Variants in HMCN1 observed in about 807,000 individuals in gnomAD.
HMCN1 encodes hemicentin 1.
In HMCN1, 321 loss-of-function variants were observed where a neutral mutation model predicts 625.9. The ratio of observed to expected loss-of-function variants is 0.51; its 90% CI spans 0.47 to 0.56. HMCN1 has a LOEUF of 0.56. Among genes scored for constraint, HMCN1 ranks in the 20% least tolerant of loss-of-function variants. The pLI is 0.00. For synonymous variants in HMCN1, 2,425 were observed against 2,417.6 expected (o/e 1.00, Z -0.09); for missense variants, 6,588 against 6,887.3 (o/e 0.96, Z 1.54).
intron 30 of HMCN1, among the ~76,000 whole-genome samples, chr1:186,013,241 T>C (rs1345134281): frequency 2.0e-5 from 3 of 152,200 alleles, no homozygotes; most frequent in African/African-American, 7.2e-5. Context: ...ACACTAAAGT[T>C]TGAGTTTCAT....
In HMCN1 at chr1:186,076,623, G is replaced by A. The variant is rs1291540515; in HGVS notation, c.8485+1G>A. On this transcript the variant is annotated splice_donor_variant, in intron 54 of 106. Coordinates refer to ENST00000271588, the MANE Select transcript of HMCN1 (RefSeq NM_031935.3). LOFTEE classifies it high-confidence loss of function. ...AGTGATAAAGTATTGATTTTGCCAG[G>A]TAAAGATTGATACCAACAGGGTGAA... 6.2e-7 allele frequency: 1 copy of A among 1,612,232 alleles called. No homozygotes were observed. The highest frequency in any genetic ancestry group is 8.5e-7 in the Non-Finnish European group (1 of 1,179,386).
intron 3 of HMCN1, 62 bp from the exon 4 acceptor site, chr1:185,865,679 A>G: frequency 7.0e-7 from 1 of 1,429,132 alleles, no homozygotes; most frequent in East Asian, 2.3e-5. Flanking sequence ...GGTAGTCAAT[A>G]CACATATTTT....
At chr1:185,863,522 A>G (rs1318022396) in intron 2 of HMCN1, among the ~76,000 whole-genome samples, 2 of 152,252 alleles carry the variant, frequency 1.3e-5, no homozygotes, top group Admixed American at 6.5e-5. Context: ...TAGACATAAT[A>G]GAATGTTATG....
intron 1 of HMCN1, among the ~76,000 whole-genome samples, chr1:185,838,416 C>G (rs556298306): frequency 6.6e-6 from 1 of 152,182 alleles, no homozygotes; most frequent in Non-Finnish European, 1.5e-5. Context: ...CACCTCCATG[C>G]CCCACTCAAA....
Position 185,864,510 on chromosome 1 carries a change from A to G in HMCN1, c.380A>G (p.Lys127Arg). 1 of 1,614,088 alleles carries G rather than the reference A, an allele frequency of 6.2e-7. No homozygotes were observed. The highest frequency in any genetic ancestry group is 1.7e-5 in the Admixed American group (1 of 60,010). Residue 127 changes from lysine (K) to arginine (R), a missense_variant, in exon 3 of 107, where the codon AAA (lysine) becomes AGA (arginine). By Grantham distance (26) the Lys-to-Arg change is conservative (BLOSUM62 2). Transcript: ENST00000271588. ...DCPEMSIGAI[K>R]IALEISLPGS... ...CCAGAAATGAGTATTGGAGCTATAA[A>G]AATTGCCTTGGAAATTTCTCTTCCT...
chr1:186,133,539 C>G (rs1662058559), intron 86 of HMCN1, among the ~76,000 whole-genome samples: 1 of 152,174 alleles, frequency 6.6e-6, no homozygotes, highest in Non-Finnish European at 1.5e-5. Flanking sequence ...GACCCAAAGA[C>G]AATGTCACTG....
chr1:185,984,132 C>G, intron 18 of HMCN1, 37 bp from the exon 19 acceptor site: 2 of 1,584,658 alleles, frequency 1.3e-6, no homozygotes, highest in Non-Finnish European at 1.7e-6. Flanking sequence ...CAAATCCTTT[C>G]TTTTTAAATA....
At chr1:185,891,340 T>G (rs1665067328) in intron 4 of HMCN1, among the ~76,000 whole-genome samples, 1 of 145,936 alleles carries the variant, frequency 6.9e-6, no homozygotes, top group East Asian at 1.9e-4. Context: ...ATGTGTGAAT[T>G]TGATCCTGTC....
chr1:186,147,185 T>C (rs1231514624), intron 93 of HMCN1, among the ~76,000 whole-genome samples: 1 of 152,196 alleles, frequency 6.6e-6, no homozygotes, highest in Non-Finnish European at 1.5e-5. Context: ...GAGTGACACA[T>C]ACTCTGTCCC....
chr1:186,009,735 A>C (rs1001773337), intron 30 of HMCN1, among the ~76,000 whole-genome samples: 1 of 152,178 alleles, frequency 6.6e-6, no homozygotes, highest in African/African-American at 2.4e-5. Flanking sequence ...AAAAAGAAGA[A>C]TGTCAAACAG....
intron 97 of HMCN1, among the ~76,000 whole-genome samples, chr1:186,157,411 T>G (rs970565687): frequency 6.6e-6 from 1 of 152,142 alleles, no homozygotes; most frequent in Non-Finnish European, 1.5e-5. Context: ...AATATGAAAA[T>G]CTTTGGACAG....
At chr1:185,986,867 T>A (rs767202306) in intron 19 of HMCN1, among the ~76,000 whole-genome samples, 75 of 150,016 alleles carry the variant, frequency 5.0e-4, no homozygotes, top group African/African-American at 1.7e-3. Flanking sequence ...TTAAATAAAT[T>A]AAATAAAATA....
At chr1:185,949,192 G>C (rs1172588895) in intron 11 of HMCN1, among the ~76,000 whole-genome samples, 4 of 151,836 alleles carry the variant, frequency 2.6e-5, no homozygotes, top group African/African-American at 9.7e-5. Context: ...AGCTGTGATG[G>C]CTTGGAAAAA....
intron 1 of HMCN1, among the ~76,000 whole-genome samples, chr1:185,784,245 A>G (rs1023844755): frequency 1.3e-5 from 2 of 152,152 alleles, no homozygotes; most frequent in Admixed American, 6.5e-5. Context: ...TCCAGTTGCC[A>G]TCTGTCACAG....
intron 97 of HMCN1, among the ~76,000 whole-genome samples, chr1:186,162,112 C>T (rs528504261): frequency 3.9e-5 from 6 of 152,194 alleles, no homozygotes; most frequent in African/African-American, 9.6e-5. Flanking sequence ...AGGCTTTGTT[C>T]GTTTCTTTTT....
intron 4 of HMCN1, among the ~76,000 whole-genome samples, chr1:185,888,396 T>G (rs1664816174): frequency 6.9e-6 from 1 of 145,050 alleles, no homozygotes; most frequent in Non-Finnish European, 1.5e-5. Flanking sequence ...GCGTATGTCC[T>G]GAATGGTAAT....
In HMCN1 at chr1:185,903,324, CT is replaced by C. The variant is rs1281333862; in HGVS notation, c.622-6009del. Among the ~76,000 whole-genome samples, 3 of 151,734 alleles carry C rather than the reference CT, an allele frequency of 2.0e-5. No homozygotes were observed. In the East Asian group the frequency reaches 5.8e-4, roughly 29 times the overall value. Reference sequence around the variant, plus strand: ...CATTGAGTTGAAATTGAGAGTTCCTCTTTTCACTAATCCCCTCTAGAGTCCC... The same window carrying C: ...CATTGAGTTGAAATTGAGAGTTCCTCTTTCACTAATCCCCTCTAGAGTCCC... On this transcript the variant is annotated intron_variant, in intron 4 of 106. Coordinates refer to ENST00000271588, the MANE Select transcript of HMCN1 (RefSeq NM_031935.3).
At position 186,115,256 on chromosome 1, in the gene HMCN1, A is replaced by C; in HGVS notation, c.11405-2A>C. On this transcript the variant is annotated splice_acceptor_variant, in intron 74 of 106. Transcript: ENST00000271588. LOFTEE classifies it high-confidence loss of function. ...CCTTCTTATTTGGTGACATTGTCTT[A>C]GTTCCTCCATCTATTGCTCCGGGTC... is the stretch of plus-strand genomic sequence containing the variant. 1 of 1,613,976 alleles carries C rather than the reference A, an allele frequency of 6.2e-7. No homozygotes were observed. Among genetic ancestry groups the C allele is most frequent in the Non-Finnish European group, 8.5e-7 (1 of 1,179,934 alleles).
Position 186,007,935 on chromosome 1 carries a change from G to A in HMCN1, c.4630+653G>A, listed in dbSNP as rs1653748563. On this transcript the variant is annotated intron_variant, in intron 30 of 106. Transcript: ENST00000271588. ...AGGAATGGAACTCAATAGACCTGTA[G>A]TGCTCACTGCACTATCTTCTGTCTT... Among the ~76,000 whole-genome samples the A allele has an allele frequency of 2.0e-5, 3 of 152,128 alleles. No individual in the cohort carries two copies. The South Asian group carries it at 6.2e-4, about 31-fold the overall frequency.
Sources: gnomAD v4.1 joint callset for allele counts (sites outside exome capture counted in the v4.1 genomes callset) on GRCh38, gnomAD v4.1.1 for gene constraint, MANE v1.5 for transcripts, NCBI Gene and HGNC (gene_info 2026-07-23, HGNC 2026-07-21) for gene names.